The following LAPTM4B variants were observed in gnomAD, a reference collection of about 807,000 sequenced individuals.
LAPTM4B encodes lysosomal-associated transmembrane protein 4B.
LAPTM4B carries 26 observed loss-of-function variants against 28.5 expected under a neutral mutation model. The observed-to-expected ratio is 0.91, with a 90% confidence interval of 0.67 to 1.27. LAPTM4B has a LOEUF of 1.27. LAPTM4B is among the 50% of genes most tolerant of loss of function. The pLI, the probability that LAPTM4B is intolerant of heterozygous loss-of-function variation, is 0.00. For synonymous variants in LAPTM4B, 109 were observed against 106.4 expected (o/e 1.02, Z -0.15); for missense variants, 288 against 285.8 (o/e 1.01, Z -0.06).
chr8:97,775,825 G>T lies in LAPTM4B; in HGVS notation c.-185G>T. 6.4e-7 allele frequency: 1 copy of T among 1,556,202 alleles called. No homozygotes were observed. Among genetic ancestry groups the T allele is most frequent in the Non-Finnish European group, 8.6e-7 (1 of 1,157,486 alleles). ...GCAGCGGTCGCCTTCGGAGCGAAGG[G>T]TACCGACCCGGCAGAAGCTCGGAGC... On this transcript the variant is annotated 5_prime_UTR_variant, in exon 1 of 7. Coordinates refer to ENST00000521545, the MANE Select transcript of LAPTM4B (RefSeq NM_018407.6).
At chr8:97,829,857 C>T (rs1817152717) in intron 6 of LAPTM4B, among the ~76,000 whole-genome samples, 2 of 151,986 alleles carry the variant, frequency 1.3e-5, no homozygotes, top group East Asian at 1.9e-4. Context: ...CCACCATTCC[C>T]AGCTAATTTT....
intron 1 of LAPTM4B, among the ~76,000 whole-genome samples, chr8:97,777,976 A>G (rs943347624): frequency 2.0e-5 from 3 of 152,208 alleles, no homozygotes; most frequent in Admixed American, 6.6e-5. Flanking sequence ...GCATTAGGCA[A>G]ATGTACTACG....
rs1009153023 is a variant in LAPTM4B at position 97,851,663 on chromosome 8, AT to A, written c.*191del. On this transcript the variant is annotated 3_prime_UTR_variant, in exon 7 of 7. Transcript: ENST00000521545. ...ATGCTTTGCTGGAACACTGTGATAG[AT>A]TAACTGTAGAATTCTTCCTGTACGA... The A allele has an allele frequency of 3.3e-6, 2 of 602,010 alleles. No homozygotes were observed. Among genetic ancestry groups the A allele is most frequent in the Admixed American group, 5.7e-5 (2 of 35,350 alleles). The allele number at this position is 602,010 out of a possible 1,614,324, so 37.3% of individuals were successfully genotyped here.
In LAPTM4B at chr8:97,801,792, C is replaced by T. The variant is rs145423801; in HGVS notation, c.100-3561C>T. Among the ~76,000 whole-genome samples, 201 of 146,004 alleles carry T rather than the reference C, an allele frequency of 1.4e-3. No individual in the cohort carries two copies. In the East Asian group the frequency reaches 0.034, roughly 25 times the overall value. On this transcript the variant is annotated intron_variant, in intron 1 of 6. Transcript: ENST00000521545. ...CTGGGTGGTGGAGGTTGCGGTGAGCCGAGCTTGCGCCACTGCACTCCAGCC... is the reference window on the plus strand; with the variant it reads ...CTGGGTGGTGGAGGTTGCGGTGAGCTGAGCTTGCGCCACTGCACTCCAGCC...
At chr8:97,792,843 G>T (rs1435931953) in intron 1 of LAPTM4B, among the ~76,000 whole-genome samples, 2 of 152,194 alleles carry the variant, frequency 1.3e-5, no homozygotes, top group South Asian at 2.1e-4. Context: ...CTTCCAAAGT[G>T]CTGGGATTAC....
chr8:97,804,992 A>G (rs146479260), intron 1 of LAPTM4B, among the ~76,000 whole-genome samples: 127 of 152,364 alleles, frequency 8.3e-4, no homozygotes, highest in African/African-American at 3.0e-3. Flanking sequence ...TCTAGAGTGT[A>G]GCTGACTCAC....
chr8:97,841,371 G>A (rs1318846977), intron 6 of LAPTM4B, among the ~76,000 whole-genome samples: 3 of 152,048 alleles, frequency 2.0e-5, no homozygotes, highest in African/African-American at 7.2e-5. Flanking sequence ...CTTGTCACCC[G>A]GGCTGGAGTG....
chr8:97,809,078 A>G (rs1056573064), intron 2 of LAPTM4B, among the ~76,000 whole-genome samples: 1 of 152,212 alleles, frequency 6.6e-6, no homozygotes, highest in African/African-American at 2.4e-5. Flanking sequence ...TTATAAAACA[A>G]TTACTATTTT....
intron 6 of LAPTM4B, among the ~76,000 whole-genome samples, chr8:97,827,430 A>C (rs1817106665): frequency 6.6e-6 from 1 of 152,202 alleles, no homozygotes; most frequent in Non-Finnish European, 1.5e-5. Flanking sequence ...TGGAAGCTCC[A>C]TGTTCCTTCC....
intron 1 of LAPTM4B, among the ~76,000 whole-genome samples, chr8:97,804,815 G>A (rs915624071): frequency 6.6e-6 from 1 of 152,284 alleles, no homozygotes; most frequent in East Asian, 1.9e-4. Context: ...GGCCTGGCCT[G>A]GCCTGGAAAG....
intron 2 of LAPTM4B, among the ~76,000 whole-genome samples, chr8:97,807,698 A>G (rs1340159967): frequency 6.6e-6 from 1 of 152,070 alleles, no homozygotes; most frequent in Non-Finnish European, 1.5e-5. Flanking sequence ...AGAAAAGGCA[A>G]CGGGGCCCAG....
chr8:97,851,490 G>A lies in LAPTM4B; in HGVS notation c.*16G>A. The A allele has an allele frequency of 1.2e-6, 2 of 1,602,262 alleles. No homozygotes were observed. Among genetic ancestry groups the A allele is most frequent in the South Asian group, 1.1e-5 (1 of 90,838 alleles). Reference sequence around the variant, plus strand: ...GTCTGCCTAAGCCTTCAAGTGGGCGGAGCTGAGGGCAGCAGCTTGACTTTG... The same window carrying A: ...GTCTGCCTAAGCCTTCAAGTGGGCGAAGCTGAGGGCAGCAGCTTGACTTTG... On this transcript the variant is annotated 3_prime_UTR_variant, in exon 7 of 7. Coordinates refer to ENST00000521545, the MANE Select transcript of LAPTM4B (RefSeq NM_018407.6).
intron 6 of LAPTM4B, among the ~76,000 whole-genome samples, chr8:97,843,780 C>CAAAT (rs150370509): frequency 0.062 from 9,212 of 148,934 alleles, 522 homozygotes; most frequent in African/African-American, 0.15. Flanking sequence ...AACTCCATCT[C>CAAAT]AAATAAATAA....
chr8:97,827,090 T>C (rs1817101309), intron 6 of LAPTM4B, among the ~76,000 whole-genome samples: 7 of 152,148 alleles, frequency 4.6e-5, no homozygotes, highest in Admixed American at 3.9e-4. Context: ...CATGTGCTTG[T>C]TTTGATATGG....
intron 1 of LAPTM4B, 135 bp from the exon 2 acceptor site, chr8:97,805,218 A>G (rs1180812755): frequency 5.0e-6 from 3 of 598,336 alleles, no homozygotes; most frequent in African/African-American, 1.9e-5. Flanking sequence ...GGTGGGGCTT[A>G]GTGTTGAGAG....
intron 1 of LAPTM4B, among the ~76,000 whole-genome samples, chr8:97,795,182 C>T (rs1038856034): frequency 6.6e-5 from 10 of 152,156 alleles, no homozygotes; most frequent in Admixed American, 2.0e-4. Context: ...TCACTGGAGC[C>T]GCAACCTCCT....
chr8:97,807,196 T>C (rs1872011), intron 2 of LAPTM4B, among the ~76,000 whole-genome samples: 68,651 of 152,044 alleles, frequency 0.45, 15,981 homozygotes, highest in East Asian at 0.58. Context: ...CTTGAGCTAG[T>C]GACTTATCAT....
intron 4 of LAPTM4B, among the ~76,000 whole-genome samples, chr8:97,817,661 G>A (rs1816942256): frequency 1.3e-5 from 2 of 152,010 alleles, no homozygotes; most frequent in African/African-American, 2.4e-5. Context: ...TCTTTTCCAG[G>A]CTGGTCTCAA....
intron 1 of LAPTM4B, among the ~76,000 whole-genome samples, chr8:97,786,572 G>A (rs1816406125): frequency 1.3e-5 from 2 of 151,884 alleles, no homozygotes; most frequent in South Asian, 4.2e-4. Context: ...GGTGGCACGT[G>A]CCTGTAGTCC....
Sources: allele counts gnomAD v4.1 joint callset (sites outside exome capture counted in the v4.1 genomes callset), GRCh38; gene constraint gnomAD v4.1.1; transcripts MANE v1.5; gene names NCBI Gene and HGNC (gene_info 2026-07-23, HGNC 2026-07-21).